SHC3: variants seen among roughly 807,000 people sequenced by gnomAD.
SHC3 encodes the protein SHC-transforming protein 3.
Under a neutral mutation model 60.4 loss-of-function variants are expected in SHC3, and 15 were observed. The observed-to-expected ratio is 0.25, with a 90% CI of 0.17 to 0.38. The LOEUF (loss-of-function observed/expected upper bound fraction) is 0.38. Ranked by LOEUF, SHC3 falls within the 10% of genes least tolerant of loss-of-function variation. The probability of loss-of-function intolerance (pLI) is 1.00; values close to 1 mark genes in which losing one functional copy is unlikely to be tolerated. For synonymous variants in SHC3, 294 were observed against 325.9 expected, an observed-to-expected ratio of 0.90 and a Z score of 1.05; for missense variants, 677 against 786.1, an observed-to-expected ratio of 0.86 and a Z score of 1.66.
chr9:89,018,114 CA>C (rs1826127393), intron 11 of SHC3, among the ~76,000 whole-genome samples: 1 of 152,086 alleles, frequency 6.6e-6, no homozygotes. Context: ...CCAGAAATAC[CA>C]TTTGACCCAG....
Position 89,011,094 on chromosome 9 carries a change from C to T in SHC3, c.*2353G>A, listed in dbSNP as rs1226299981. The stretch of plus-strand genomic sequence containing the variant: ...CCATCTGCTATGTCTGAAGCCTGCT[C>T]ACTTCACTGGCACTATTCTAGTGTA... On this transcript the variant is annotated 3_prime_UTR_variant, in exon 12 of 12. Transcript: ENST00000375835. 1 of 152,212 alleles carries T rather than the reference C, an allele frequency of 6.6e-6. No homozygotes were observed. Among genetic ancestry groups the T allele is most frequent in the Admixed American group, 6.5e-5 (1 of 15,286 alleles). The allele number at this position is 152,212 out of a possible 1,614,324, so 9.4% of individuals were successfully genotyped here. A position where few individuals can be genotyped will look rare whatever the true frequency, so the allele number is the denominator to read the frequency against.
rs1188628984 is a variant in SHC3 at position 89,009,661 on chromosome 9, GTGGAGGCTGGA to G, written c.*3775_*3785del. The G allele has an allele frequency of 2.6e-5, 4 of 152,280 alleles. No individual in the cohort carries two copies. Among genetic ancestry groups the G allele is most frequent in the Non-Finnish European group, 5.9e-5 (4 of 68,116 alleles). 9.4% of individuals were successfully genotyped at this position (152,280 alleles called of 1,614,324 possible). On this transcript the variant is annotated 3_prime_UTR_variant, in exon 12 of 12. Coordinates refer to ENST00000375835, the MANE Select transcript of SHC3 (RefSeq NM_016848.6). Reference sequence around the variant, plus strand: ...TCCACGCCGTTCTGGGTGTGCCAGGGTGGAGGCTGGATGGAGGTATCTACTCGTGGCCCGCA... The same window carrying G: ...TCCACGCCGTTCTGGGTGTGCCAGGGTGGAGGTATCTACTCGTGGCCCGCA...
Position 89,011,327 on chromosome 9 carries a change from G to T in SHC3, c.*2120C>A, listed in dbSNP as rs1826011297. The T allele has an allele frequency of 6.6e-6, 1 of 152,146 alleles. No homozygotes were observed. Among genetic ancestry groups the T allele is most frequent in the South Asian group, 2.1e-4 (1 of 4,834 alleles). The allele number at this position is 152,146 out of a possible 1,614,324, so 9.4% of individuals were successfully genotyped here. A position where few individuals can be genotyped will look rare whatever the true frequency, so the allele number is the denominator to read the frequency against. ...CAAGTCCCCCCAAGAGAAAAATAAA[G>T]TAAATCAAATGTTACAGCATTCACA... On this transcript the variant is annotated 3_prime_UTR_variant, in exon 12 of 12. Transcript: ENST00000375835.
intron 11 of SHC3, among the ~76,000 whole-genome samples, chr9:89,035,865 GTGTGTGTGTGT>G (rs1824570424): frequency 1.9e-5 from 2 of 103,564 alleles, no homozygotes; most frequent in Non-Finnish European, 4.3e-5. Context: ...GTGTGTGTGT[GTGTGTGTGTGT>G]GTGTGTGTGT....
intron 2 of SHC3, among the ~76,000 whole-genome samples, chr9:89,093,676 G>T (rs985626865): frequency 6.6e-6 from 1 of 151,212 alleles, no homozygotes; most frequent in African/African-American, 2.4e-5. Context: ...CAAAGGAAAG[G>T]ACAGGGGCTT....
At chr9:89,036,228 T>C (rs192758255) in intron 11 of SHC3, among the ~76,000 whole-genome samples, 1 of 152,126 alleles carries the variant, frequency 6.6e-6, no homozygotes, top group East Asian at 1.9e-4. Context: ...AAGAAAAACA[T>C]GGAGAAAAGA....
At chr9:89,117,341 G>A (rs187872256) in intron 1 of SHC3, among the ~76,000 whole-genome samples, 1 of 152,274 alleles carries the variant, frequency 6.6e-6, no homozygotes, top group Admixed American at 6.5e-5. Flanking sequence ...TCTTTGCCAA[G>A]GATGAGCAAA....
At chr9:89,013,857 G>A (rs950374818) in intron 11 of SHC3, among the ~76,000 whole-genome samples, 1 of 152,238 alleles carries the variant, frequency 6.6e-6, no homozygotes, top group East Asian at 1.9e-4. Context: ...CTATAGGCAT[G>A]GCCTCCTCCA....
intron 2 of SHC3, among the ~76,000 whole-genome samples, chr9:89,087,409 C>G (rs2118042820): frequency 6.6e-6 from 1 of 152,174 alleles, no homozygotes; most frequent in East Asian, 1.9e-4. Context: ...AGAACTTTCC[C>G]CTCCCCTCAC....
chr9:89,115,368 T>C (rs912757373), intron 1 of SHC3, among the ~76,000 whole-genome samples: 17 of 152,156 alleles, frequency 1.1e-4, no homozygotes, highest in African/African-American at 4.1e-4. Flanking sequence ...GATGCAAAAT[T>C]ATGTGAATTC....
At chr9:89,157,556 T>C (rs1311098614) in intron 1 of SHC3, among the ~76,000 whole-genome samples, 1 of 152,234 alleles carries the variant, frequency 6.6e-6, no homozygotes, top group African/African-American at 2.4e-5. Flanking sequence ...TTTGTTAGAT[T>C]GGCAACAAGA....
At position 89,145,268 on chromosome 9, in the gene SHC3, G is replaced by A. The variant is rs558980095; in HGVS notation, c.475-32642C>T. Among the ~76,000 whole-genome samples, 30 of 152,348 alleles carry A rather than the reference G, an allele frequency of 2.0e-4. No individual in the cohort carries two copies. In the South Asian group the frequency reaches 5.8e-3, roughly 29 times the overall value. ...ACCATGCATACATCAGAGGACTGAC[G>A]CATTAGCACAGAGAGCACTAAGAGA... On this transcript the variant is annotated intron_variant, in intron 1 of 11. Transcript: ENST00000375835.
At chr9:89,176,070 C>T (rs1826938513) in intron 1 of SHC3, among the ~76,000 whole-genome samples, 1 of 152,160 alleles carries the variant, frequency 6.6e-6, no homozygotes, top group Non-Finnish European at 1.5e-5. Flanking sequence ...TGCTAATGAA[C>T]AAGGAACCAA....
intron 2 of SHC3, among the ~76,000 whole-genome samples, chr9:89,106,289 C>G (rs1354351933): frequency 2.6e-5 from 4 of 152,214 alleles, no homozygotes. Context: ...GGCAGCTGTT[C>G]AGAGGTGCCT....
At chr9:89,147,704 G>T (rs971546620) in intron 1 of SHC3, among the ~76,000 whole-genome samples, 1 of 152,002 alleles carries the variant, frequency 6.6e-6, no homozygotes, top group Non-Finnish European at 1.5e-5. Context: ...ACACCAAAAA[G>T]GTAGGCACCG....
intron 7 of SHC3, among the ~76,000 whole-genome samples, chr9:89,048,560 G>T (rs951743110): frequency 1.3e-5 from 2 of 152,000 alleles, no homozygotes; most frequent in African/African-American, 4.8e-5. Context: ...TTCTTTGGGG[G>T]GTAATGAAAA....
chr9:89,072,742 C>T (rs1166253536), intron 4 of SHC3, among the ~76,000 whole-genome samples: 1 of 152,124 alleles, frequency 6.6e-6, no homozygotes, highest in Non-Finnish European at 1.5e-5. Flanking sequence ...ATCTCTAACC[C>T]AACATAACCA....
intron 1 of SHC3, among the ~76,000 whole-genome samples, chr9:89,124,742 G>T (rs1826140356): frequency 6.6e-6 from 1 of 151,918 alleles, no homozygotes; most frequent in South Asian, 2.1e-4. Context: ...TGCACACGGG[G>T]CTTAAAACTT....
intron 7 of SHC3, among the ~76,000 whole-genome samples, chr9:89,048,119 C>G (rs1000090307): frequency 6.6e-6 from 1 of 151,910 alleles, no homozygotes; most frequent in Non-Finnish European, 1.5e-5. Flanking sequence ...TGGCACACAC[C>G]TGTAGTTCCA....
Sources: allele counts gnomAD v4.1 joint callset (sites outside exome capture counted in the v4.1 genomes callset), GRCh38; gene constraint gnomAD v4.1.1; transcripts MANE v1.5; gene names NCBI Gene and HGNC (gene_info 2026-07-23, HGNC 2026-07-21).